PRKG2: variants seen among roughly 807,000 people sequenced by gnomAD.
PRKG2 encodes the protein cGMP-dependent protein kinase 2.
In PRKG2, 33 loss-of-function variants were observed where a neutral mutation model predicts 97.2. The ratio of observed to expected loss-of-function variants is 0.34; its 90% CI spans 0.26 to 0.45. The LOEUF (loss-of-function observed/expected upper bound fraction) is 0.45. Ranked by LOEUF, PRKG2 falls within the 20% of genes least tolerant of loss-of-function variation. PRKG2 has a pLI of 1.00. For missense variants in PRKG2, 638 were observed against 900.0 expected, an observed-to-expected ratio of 0.71 and a Z score of 3.73; for synonymous variants, 330 against 321.8, an observed-to-expected ratio of 1.03 and a Z score of -0.27.
At chr4:81,155,170 T>G (rs1188798964) in intron 6 of PRKG2, among the ~76,000 whole-genome samples, 1 of 69,176 alleles carries the variant, frequency 1.4e-5, no homozygotes, top group African/African-American at 4.4e-4. Context: ...AGAGCGAGAC[T>G]CCGTCTCAAA....
chr4:81,192,122 G>C (rs1265316983), intron 2 of PRKG2: 1 of 152,110 alleles, frequency 6.6e-6, no homozygotes, highest in African/African-American at 2.4e-5. Flanking sequence ...ATACTATATA[G>C]CAATGACAAT....
intron 17 of PRKG2, among the ~76,000 whole-genome samples, chr4:81,099,529 C>G (rs1288258961): frequency 1.3e-5 from 2 of 152,180 alleles, no homozygotes; most frequent in Non-Finnish European, 2.9e-5. Context: ...ATGCTAAAAA[C>G]TCTCAATAAA....
Position 81,174,916 on chromosome 4 carries a change from G to A in PRKG2, c.505C>T (p.Leu169=). ...ITDALNKNQF[L]KRLDPQQIKD... ...ATCTGCTGAGGATCCAGTCTTTTCA[G>A]AAACTGATTTTTATTAAGGGCATCT... Residue 169 remains leucine (L), a synonymous_variant, in exon 3 of 19, where the codon CTG becomes TTG. Transcript: ENST00000264399. 1 of 1,612,602 alleles carries A rather than the reference G, an allele frequency of 6.2e-7. No individual in the cohort carries two copies. Among genetic ancestry groups the A allele is most frequent in the Non-Finnish European group, 8.5e-7 (1 of 1,179,088 alleles).
intron 17 of PRKG2, among the ~76,000 whole-genome samples, chr4:81,094,620 C>T (rs370928489): frequency 2.0e-5 from 3 of 151,822 alleles, no homozygotes; most frequent in Non-Finnish European, 4.4e-5. Context: ...TAGATGATGT[C>T]GGGAATAGGA....
rs964038125 is a variant in PRKG2, at chr4:81,137,539, T to C, written c.1545-57A>G. On this transcript the variant is annotated intron_variant, in intron 12 of 18. Transcript: ENST00000264399. ...TGGAAATCTAGTTTAAAAACCTTTT[T>C]AAAGTTGCTTAGAACTATCATCATA... 2.9e-6 allele frequency: 4 copies of C among 1,370,678 alleles called. No individual in the cohort carries two copies. In the African/African-American group the frequency reaches 5.8e-5, roughly 20 times the overall value. 84.9% of individuals were successfully genotyped at this position (1,370,678 alleles called of 1,614,324 possible).
chr4:81,180,991 C>A (rs1191783611), intron 2 of PRKG2, among the ~76,000 whole-genome samples: 1 of 130,014 alleles, frequency 7.7e-6, no homozygotes, highest in Non-Finnish European at 1.7e-5. Context: ...CCCCTCCCCC[C>A]ACCCCACAGC....
At chr4:81,123,075 A>T (rs1414314766) in intron 14 of PRKG2, among the ~76,000 whole-genome samples, 1 of 152,250 alleles carries the variant, frequency 6.6e-6, no homozygotes, top group Non-Finnish European at 1.5e-5. Context: ...AGCCCATTAG[A>T]TGAAGTGTAT....
At chr4:81,180,025 C>T (rs1308759997) in intron 2 of PRKG2, among the ~76,000 whole-genome samples, 2 of 151,834 alleles carry the variant, frequency 1.3e-5, no homozygotes, top group Non-Finnish European at 2.9e-5. Context: ...CCCAGCTACT[C>T]GGGAGGCTGA....
intron 2 of PRKG2, among the ~76,000 whole-genome samples, chr4:81,176,940 G>T (rs1228408642): frequency 6.6e-6 from 1 of 151,672 alleles, no homozygotes; most frequent in Admixed American, 6.6e-5. Flanking sequence ...TCTACAACAT[G>T]GCTCCAATCT....
chr4:81,183,294 G>C (rs1751579165), intron 2 of PRKG2, among the ~76,000 whole-genome samples: 1 of 152,122 alleles, frequency 6.6e-6, no homozygotes. Context: ...GAGGTACCCA[G>C]CTCATCTCAC....
At chr4:81,182,172 A>G (rs1751471027) in intron 2 of PRKG2, among the ~76,000 whole-genome samples, 1 of 151,936 alleles carries the variant, frequency 6.6e-6, no homozygotes, top group African/African-American at 2.4e-5. Flanking sequence ...ATAAAATATA[A>G]TATCCCTAAT....
chr4:81,090,248 C>T (rs1397006004), intron 18 of PRKG2, among the ~76,000 whole-genome samples: 1 of 152,056 alleles, frequency 6.6e-6, no homozygotes, highest in East Asian at 1.9e-4. Context: ...ATCCCATCTA[C>T]TTTGGAGGCT....
At chr4:81,176,348 C>A (rs754499304) in intron 2 of PRKG2, among the ~76,000 whole-genome samples, 8 of 152,090 alleles carry the variant, frequency 5.3e-5, no homozygotes, top group Non-Finnish European at 8.8e-5. Context: ...AAGCTTCTAG[C>A]CGATTTTCCC....
At chr4:81,164,279 T>TGGTAGAGTG (rs1487395135) in intron 6 of PRKG2, among the ~76,000 whole-genome samples, 3 of 152,168 alleles carry the variant, frequency 2.0e-5, no homozygotes, top group Non-Finnish European at 4.4e-5. Context: ...CATTGACAGC[T>TGGTAGAGTG]GGTAGAGTGA....
chr4:81,116,888 TAA>T (rs1416427309), intron 14 of PRKG2, among the ~76,000 whole-genome samples: 1 of 152,112 alleles, frequency 6.6e-6, no homozygotes, highest in African/African-American at 2.4e-5. Flanking sequence ...TCAATTTGTT[TAA>T]GTTTCTTATA....
intron 1 of PRKG2, among the ~76,000 whole-genome samples, chr4:81,206,428 G>T (rs1242482735): frequency 6.6e-6 from 1 of 152,132 alleles, no homozygotes; most frequent in East Asian, 1.9e-4. Flanking sequence ...GTTTTATAAA[G>T]GGGAGTTTGC....
intron 14 of PRKG2, among the ~76,000 whole-genome samples, chr4:81,121,190 T>C (rs1005305298): frequency 2.0e-5 from 3 of 152,168 alleles, no homozygotes; most frequent in Admixed American, 2.0e-4. Context: ...TTGGATTCTG[T>C]TTGCCAATAT....
rs370763730 is a variant in PRKG2, at chr4:81,207,473, C to G, written c.-13-2413G>C. The stretch of plus-strand genomic sequence containing the variant: ...AAGACCAAAGTATCATATACCATAT[C>G]AGAGGCATATCCCATCATGGATTTG... On this transcript the variant is annotated intron_variant, in intron 1 of 18. Transcript: ENST00000264399. 1.2e-4 allele frequency among the ~76,000 whole-genome samples: 18 copies of G among 152,286 alleles called. 1 individual carries two copies. The highest frequency in any genetic ancestry group is 4.3e-4 in the African/African-American group (18 of 41,562).
intron 6 of PRKG2, 100 bp from the exon 7 acceptor site, chr4:81,153,821 A>T: frequency 1.3e-6 from 1 of 792,390 alleles, no homozygotes; most frequent in Non-Finnish European, 2.1e-6. Flanking sequence ...AGCGGCGCAG[A>T]AGACGGGTGA....
Sources: allele counts gnomAD v4.1 joint callset (sites outside exome capture counted in the v4.1 genomes callset), GRCh38; gene constraint gnomAD v4.1.1; transcripts MANE v1.5; gene names NCBI Gene and HGNC (gene_info 2026-07-23, HGNC 2026-07-21).